The following TSPAN10 variants were observed in gnomAD, a reference collection of about 807,000 sequenced individuals.
The protein encoded by TSPAN10 is tetraspanin-10.
A neutral mutation model predicts 15.0 loss-of-function variants in TSPAN10; 11 were observed. The ratio of observed to expected loss-of-function variants is 0.73; its 90% CI spans 0.46 to 1.21. The LOEUF (loss-of-function observed/expected upper bound fraction) is 1.21. Among genes scored for constraint, TSPAN10 ranks in the 50% most tolerant of loss-of-function variants. TSPAN10 has a pLI of 0.00. For missense variants in TSPAN10, 486 were observed against 470.6 expected (o/e 1.03, Z -0.30); for synonymous variants, 241 against 226.2 (o/e 1.07, Z -0.59).
intron 2 of TSPAN10, among the ~76,000 whole-genome samples, chr17:81,646,797 G>A (rs1426349843): frequency 6.6e-6 from 1 of 151,988 alleles, no homozygotes; most frequent in Non-Finnish European, 1.5e-5. Context: ...TTAGGATCCA[G>A]TGCAGGATTT....
chr17:81,645,329 C>T, exon 2 of TSPAN10: 2 of 1,562,708 alleles, frequency 1.3e-6, no homozygotes, highest in East Asian at 2.2e-5. Context: ...CTGGGGCTGG[C>T]ACTGGGAGGG....
In TSPAN10 at chr17:81,645,605, C is replaced by T. The variant is rs532870294; in HGVS notation, c.650C>T (p.Ser217Phe). 9.9e-6 allele frequency: 16 copies of T among 1,612,716 alleles called. No homozygotes were observed. In the South Asian group the frequency reaches 1.3e-4, roughly 13 times the overall value. Reference sequence around the variant, plus strand: ...GGGCTGAGGTGCTGCGGAGCTGCCTCCTACCAGGACTGGCAGCAGAACCTG... The same window carrying T: ...GGGCTGAGGTGCTGCGGAGCTGCCTTCTACCAGGACTGGCAGCAGAACCTG... Residue 217 changes from serine (S) to phenylalanine (F), a missense_variant, in exon 2 of 3, where the codon TCC becomes TTC. By Grantham distance (155) the Ser-to-Phe change is radical. Transcript: ENST00000611590.
At chr17:81,641,245 T>C (rs1463996186), upstream of TSPAN10, among the ~76,000 whole-genome samples, 1 of 152,078 alleles carries the variant, frequency 6.6e-6, no homozygotes, top group Non-Finnish European at 1.5e-5. Context: ...ACCCTGGCTG[T>C]GGAGCTGCTG....
chr17:81,646,645 A>G (rs2036257140), intron 2 of TSPAN10: 1 of 147,520 alleles, frequency 6.8e-6, no homozygotes, highest in African/African-American at 2.5e-5. Context: ...GCCCCACTGC[A>G]CTCCAGCCTG....
chr17:81,644,942 C>A, intron 1 of TSPAN10, 50 bp from the exon 3 acceptor site: 4 of 1,600,580 alleles, frequency 2.5e-6, no homozygotes, highest in Non-Finnish European at 2.5e-6. Flanking sequence ...CACCAGTTGT[C>A]ACAGAGTCTG....
Position 81,645,297 on chromosome 17 carries a change from GC to G in TSPAN10, c.346del (p.Leu116CysfsTer19). 2.0e-6 allele frequency: 3 copies of G among 1,538,292 alleles called. No homozygotes were observed. ...GGTCTCTGGGAAGTGATCTGGGGGGGCCCCTGCCCGCAGACCCCATGCTGGG... is the reference window on the plus strand; with the variant it reads ...GGTCTCTGGGAAGTGATCTGGGGGGGCCCTGCCCGCAGACCCCATGCTGGG... On this transcript the variant is annotated frameshift_variant, in exon 2 of 3. Transcript: ENST00000611590. LOFTEE classifies it high-confidence loss of function.
chr17:81,637,516 A>T, upstream of TSPAN10: 2 of 635,546 alleles, frequency 3.1e-6, no homozygotes, highest in Non-Finnish European at 2.9e-6. Context: ...ACTGCATTTC[A>T]GGCCGGGCGC....
At chr17:81,637,343 C>T (rs150836502) in exon 1 of TSPAN10, 8 of 682,748 alleles carry the variant, frequency 1.2e-5, no homozygotes, top group Non-Finnish European at 2.1e-5. Flanking sequence ...AAAATAACTA[C>T]TGCTGCGTAT....
chr17:81,645,746 C>G lies in TSPAN10; in HGVS notation c.674+117C>G, dbSNP rs575285326. 14 of 1,317,724 alleles carry G rather than the reference C, an allele frequency of 1.1e-5. No homozygotes were observed. In the African/African-American group the frequency reaches 1.9e-4, roughly 18 times the overall value. The allele number at this position is 1,317,724 out of a possible 1,614,324, so 81.6% of individuals were successfully genotyped here. A position where few individuals can be genotyped will look rare whatever the true frequency, so the allele number is the denominator to read the frequency against. Reference sequence around the variant, plus strand: ...ATACTCATTCGTGCATGCCCACATGCATGCACACGTATACCCACATGTACA... The same window carrying G: ...ATACTCATTCGTGCATGCCCACATGGATGCACACGTATACCCACATGTACA... On this transcript the variant is annotated intron_variant, in intron 2 of 2. Coordinates refer to ENST00000611590, the Ensembl canonical transcript of TSPAN10.
upstream of TSPAN10, among the ~76,000 whole-genome samples, chr17:81,640,021 C>T (rs183277105): frequency 1.5e-3 from 233 of 152,154 alleles, 3 homozygotes; most frequent in African/African-American, 5.5e-3. Flanking sequence ...TCACTCCCAT[C>T]GCCGAGGCTG....
chr17:81,642,995 T>TTATA lies in TSPAN10; in HGVS notation c.36+571_36+574dup, dbSNP rs71968441. Among the ~76,000 whole-genome samples, 626 of 143,112 alleles carry TTATA rather than the reference T, an allele frequency of 4.4e-3. 4 individuals are homozygous for TTATA. The highest frequency in any genetic ancestry group is 5.6e-3 in the Non-Finnish European group (369 of 65,454). 93.9% of individuals were successfully genotyped at this position (143,112 alleles called of 152,430 possible). On this transcript the variant is annotated intron_variant, in intron 1 of 2. Transcript: ENST00000611590. ...AGCGAGACCCTGTCTCTACAAAATA[T>TTATA]TATATATATATATATATATATATAT...
At chr17:81,648,184 G>A in exon 3 of TSPAN10, 3 of 1,419,006 alleles carry the variant, frequency 2.1e-6, no homozygotes, top group Non-Finnish European at 2.7e-6. Flanking sequence ...CGGGGCCCTC[G>A]CTGCCCGCAG....
exon 3 of TSPAN10, chr17:81,648,095 A>G (rs1413480882): frequency 6.3e-7 from 1 of 1,582,570 alleles, no homozygotes; most frequent in South Asian, 1.1e-5. Context: ...CTGCGCGCGA[A>G]CCTGGCTGCC....
Position 81,648,154 on chromosome 17 carries a change from C to T in TSPAN10, c.928C>T (p.Leu310=), listed in dbSNP as rs750999921. Residue 310 remains leucine, a synonymous_variant, in exon 3 of 3, where the codon CTG becomes TTG. Coordinates refer to ENST00000611590, the Ensembl canonical transcript of TSPAN10. ...GGTGCTGCTGCAGGGCGCGGAGCTCCTGCTGGCCGCCCGGCTACTCGGGGC... is the reference window on the plus strand; with the variant it reads ...GGTGCTGCTGCAGGGCGCGGAGCTCTTGCTGGCCGCCCGGCTACTCGGGGC... 2.7e-6 allele frequency: 4 copies of T among 1,476,526 alleles called. No individual in the cohort carries two copies. The East Asian group carries it at 8.2e-5, about 30-fold the overall frequency. The allele number at this position is 1,476,526 out of a possible 1,614,324, so 91.5% of individuals were successfully genotyped here. A position where few individuals can be genotyped will look rare whatever the true frequency, so the allele number is the denominator to read the frequency against.
intron 2 of TSPAN10, 136 bp downstream of exon 3, chr17:81,645,765 A>C (rs747742477): frequency 1.8e-6 from 2 of 1,111,598 alleles, no homozygotes; most frequent in African/African-American, 3.1e-5. Flanking sequence ...GTATACCCAC[A>C]TGTACACGCA....
chr17:81,637,416 G>T, upstream of TSPAN10: 1 of 698,762 alleles, frequency 1.4e-6, no homozygotes, highest in Non-Finnish European at 2.6e-6. Flanking sequence ...GGTAAGTAGA[G>T]AAACAATTTC....
chr17:81,645,356 T>C (rs7210026), exon 2 of TSPAN10: 625,857 of 1,588,662 alleles, frequency 0.39, 133,879 homozygotes, highest in East Asian at 0.76. Context: ...GTCAGCGCAG[T>C]GAGCCTGGCT....
chr17:81,647,009 AGACG>A (rs2036263952), intron 2 of TSPAN10, among the ~76,000 whole-genome samples: 2 of 152,066 alleles, frequency 1.3e-5, no homozygotes, highest in Admixed American at 1.3e-4. Flanking sequence ...CACCCAGGAC[AGACG>A]ATATGCACTC....
rs1434295812 is a variant in TSPAN10 at position 81,647,579 on chromosome 17, CTGCGGAGGGAGGTCCTCTTATCAA to C, written c.675-318_675-295del. Reference sequence around the variant, plus strand: ...ACCTTCTCAATGAGCTCAGCAGCCTCTGCGGAGGGAGGTCCTCTTATCAATGCTTGTCTGTTCCCCCTTCAACCG... The same window carrying C: ...ACCTTCTCAATGAGCTCAGCAGCCTCTGCTTGTCTGTTCCCCCTTCAACCG... On this transcript the variant is annotated intron_variant, in intron 2 of 2. Transcript: ENST00000611590. The C allele has an allele frequency of 5.0e-6, 3 of 605,592 alleles. No homozygotes were observed. In the Admixed American group the frequency reaches 6.4e-5, roughly 13 times the overall value. 37.5% of individuals were successfully genotyped at this position (605,592 alleles called of 1,614,324 possible).
Sources: allele counts gnomAD v4.1 joint callset (sites outside exome capture counted in the v4.1 genomes callset), GRCh38; gene constraint gnomAD v4.1.1; transcripts MANE v1.5; gene names NCBI Gene and HGNC (gene_info 2026-07-23, HGNC 2026-07-21).